The following STK39 variants were observed in gnomAD, a reference collection of about 807,000 sequenced individuals.
STK39 encodes the protein STE20/SPS1-related proline-alanine-rich protein kinase.
In STK39, 20 loss-of-function variants were observed where a neutral mutation model predicts 77.8. The ratio of observed to expected loss-of-function variants is 0.26; its 90% CI spans 0.18 to 0.37. STK39 has a LOEUF of 0.37. Ranked by LOEUF, STK39 falls within the 10% of genes least tolerant of loss-of-function variation. The probability of loss-of-function intolerance (pLI) is 1.00; values close to 1 mark genes in which losing one functional copy is unlikely to be tolerated. For synonymous variants in STK39, 246 were observed against 234.1 expected, an observed-to-expected ratio of 1.05 and a Z score of -0.47; for missense variants, 479 against 656.5, an observed-to-expected ratio of 0.73 and a Z score of 2.95.
chr2:168,014,596 T>C (rs902796619), intron 15 of STK39, among the ~76,000 whole-genome samples: 2 of 151,668 alleles, frequency 1.3e-5, no homozygotes, highest in Non-Finnish European at 2.9e-5. Context: ...TTTAGCTTTC[T>C]GAAGCTGCTA....
intron 1 of STK39, among the ~76,000 whole-genome samples, chr2:168,237,888 C>T (rs1690660870): frequency 6.6e-6 from 1 of 152,166 alleles, no homozygotes; most frequent in Non-Finnish European, 1.5e-5. Flanking sequence ...GAAACCCCGT[C>T]TGCTGCTCCT....
chr2:168,195,785 G>C (rs1363198243), intron 1 of STK39, among the ~76,000 whole-genome samples: 1 of 152,226 alleles, frequency 6.6e-6, no homozygotes, highest in Non-Finnish European at 1.5e-5. Flanking sequence ...GGGAGGCCTA[G>C]GTCGGTAGAT....
intron 1 of STK39, among the ~76,000 whole-genome samples, chr2:168,241,528 C>G (rs945266886): frequency 2.0e-5 from 3 of 152,194 alleles, no homozygotes; most frequent in African/African-American, 7.2e-5. Context: ...TCAGTTTCCT[C>G]CCACAGCAGT....
intron 16 of STK39, among the ~76,000 whole-genome samples, chr2:167,965,169 G>A (rs1439352941): frequency 1.3e-5 from 2 of 151,804 alleles, no homozygotes; most frequent in Non-Finnish European, 2.9e-5. Flanking sequence ...GGAAATAGAA[G>A]GTCAGCACAT....
At chr2:168,029,055 T>C (rs943745900) in intron 14 of STK39, among the ~76,000 whole-genome samples, 2 of 152,352 alleles carry the variant, frequency 1.3e-5, no homozygotes, top group East Asian at 1.9e-4. Context: ...AGGACAATTA[T>C]GGTTTTTGCC....
intron 10 of STK39, among the ~76,000 whole-genome samples, chr2:168,105,396 C>A (rs1219194610): frequency 6.6e-6 from 1 of 152,206 alleles, no homozygotes; most frequent in Non-Finnish European, 1.5e-5. Flanking sequence ...AACTGGAAGT[C>A]ATTTGATAAA....
chr2:168,120,587 C>A (rs1687380346), intron 10 of STK39, among the ~76,000 whole-genome samples: 1 of 152,072 alleles, frequency 6.6e-6, no homozygotes. Flanking sequence ...GCAGGGGTGC[C>A]CACAGCTGTG....
At chr2:167,962,010 G>A (rs981574296) in intron 17 of STK39, among the ~76,000 whole-genome samples, 3 of 152,186 alleles carry the variant, frequency 2.0e-5, no homozygotes, top group Admixed American at 6.5e-5. Context: ...GCACCCCTGC[G>A]GCCCTAGGCA....
At chr2:167,997,984 A>G (rs1683890748) in intron 16 of STK39, among the ~76,000 whole-genome samples, 2 of 152,248 alleles carry the variant, frequency 1.3e-5, no homozygotes, top group African/African-American at 4.8e-5. Context: ...TGGAGGCTAT[A>G]CAGTGCTGTA....
chr2:168,181,914 C>G, intron 2 of STK39, 64 bp downstream of exon 2: 1 of 1,414,264 alleles, frequency 7.1e-7, no homozygotes, highest in South Asian at 1.2e-5. Flanking sequence ...CTTCTCCCAA[C>G]CATCCCCATA....
At chr2:168,235,658 T>C (rs971317525) in intron 1 of STK39, among the ~76,000 whole-genome samples, 1 of 128,816 alleles carries the variant, frequency 7.8e-6, no homozygotes, top group Non-Finnish European at 1.6e-5. Flanking sequence ...CCTGTGTCCA[T>C]GTGTTCTCAT....
At chr2:168,145,238 G>C (rs2105543082) in intron 5 of STK39, among the ~76,000 whole-genome samples, 1 of 152,120 alleles carries the variant, frequency 6.6e-6, no homozygotes, top group South Asian at 2.1e-4. Context: ...CAGCTGCAAG[G>C]GTCAAAAACT....
chr2:167,955,305 C>T lies in STK39; in HGVS notation c.*191G>A, dbSNP rs760225488. 22 of 525,730 alleles carry T rather than the reference C, an allele frequency of 4.2e-5. No individual in the cohort carries two copies. The highest frequency in any genetic ancestry group is 3.1e-4 in the Admixed American group (9 of 28,736). The allele number at this position is 525,730 out of a possible 1,614,324, so 32.6% of individuals were successfully genotyped here. On this transcript the variant is annotated 3_prime_UTR_variant, in exon 18 of 18. Transcript: ENST00000355999. ...GATTGCTAGAGAATAAAGCAGAACTCGGAGTGTTGTAAGTTTTAAAAAATT... is the reference window on the plus strand; with the variant it reads ...GATTGCTAGAGAATAAAGCAGAACTTGGAGTGTTGTAAGTTTTAAAAAATT...
chr2:168,164,132 C>T (rs7583535), intron 3 of STK39, among the ~76,000 whole-genome samples: 23,968 of 152,068 alleles, frequency 0.16, 2,296 homozygotes, highest in African/African-American at 0.26. Flanking sequence ...TGTTCATGGC[C>T]GTTCCATGGC....
chr2:168,004,929 C>T (rs929515183), intron 16 of STK39, among the ~76,000 whole-genome samples: 4 of 150,546 alleles, frequency 2.7e-5, no homozygotes, highest in African/African-American at 7.3e-5. Context: ...ACAGGCATCT[C>T]ACAGCTCATA....
chr2:168,069,683 G>C (rs1020684320), intron 12 of STK39, among the ~76,000 whole-genome samples: 1 of 152,222 alleles, frequency 6.6e-6, no homozygotes. Context: ...AGTTTTCCTA[G>C]CCAGTCCTTG....
At chr2:167,973,402 A>C (rs1355429466) in intron 16 of STK39, among the ~76,000 whole-genome samples, 1 of 152,214 alleles carries the variant, frequency 6.6e-6, no homozygotes, top group Non-Finnish European at 1.5e-5. Flanking sequence ...CATGCCCCCT[A>C]GCTATGCAAA....
chr2:168,100,318 T>C (rs1313387944), intron 10 of STK39, among the ~76,000 whole-genome samples: 1 of 152,182 alleles, frequency 6.6e-6, no homozygotes, highest in South Asian at 2.1e-4. Context: ...GGGGAGAGCG[T>C]GCAGATTTAG....
chr2:168,091,688 C>CT (rs934969037), intron 10 of STK39, among the ~76,000 whole-genome samples: 28 of 151,842 alleles, frequency 1.8e-4, no homozygotes, highest in Non-Finnish European at 2.8e-4. Context: ...TTTTTGTTAC[C>CT]TTTTTTTTAA....
Sources: gnomAD v4.1 joint callset for allele counts (sites outside exome capture counted in the v4.1 genomes callset) on GRCh38, gnomAD v4.1.1 for gene constraint, MANE v1.5 for transcripts, NCBI Gene and HGNC (gene_info 2026-07-23, HGNC 2026-07-21) for gene names.